The following ZNF606 variants were observed in gnomAD, a reference collection of about 807,000 sequenced individuals.
ZNF606 encodes zinc finger protein 328.
ZNF606 carries 37 observed loss-of-function variants against 74.9 expected under a neutral mutation model. The observed-to-expected ratio is 0.49, with a 90% CI of 0.38 to 0.65. The LOEUF is 0.65. Among genes scored for constraint, ZNF606 ranks in the 30% least tolerant of loss-of-function variants. The pLI, the probability that ZNF606 is intolerant of heterozygous loss-of-function variation, is 0.00. For synonymous variants in ZNF606, 328 were observed against 312.4 expected (o/e 1.05, Z -0.53); for missense variants, 852 against 952.9 (o/e 0.89, Z 1.39).
chr19:57,998,308 C>T (rs1456661358), intron 4 of ZNF606: 1 of 151,928 alleles, frequency 6.6e-6, no homozygotes, highest in South Asian at 2.1e-4. Flanking sequence ...AAAATGGCTG[C>T]CTCAGTCATT....
chr19:58,001,007 A>C, intron 2 of ZNF606: 1 of 530,474 alleles, frequency 1.9e-6, no homozygotes, highest in South Asian at 3.1e-5. Context: ...AGTAGAGACA[A>C]TATTTTATTA....
In ZNF606 at chr19:58,002,676, G is replaced by C. The variant is rs537241242; in HGVS notation, c.-332C>G. On this transcript the variant is annotated 5_prime_UTR_variant, in exon 1 of 7. Coordinates refer to ENST00000551380, the MANE Select transcript of ZNF606 (RefSeq NM_001348022.3). ...CGACGGCGCAAAGCCGGCGCGGAAAGGGCAGGCGCAGGACCCACCCTGACG... is the reference window on the plus strand; with the variant it reads ...CGACGGCGCAAAGCCGGCGCGGAAACGGCAGGCGCAGGACCCACCCTGACG... 2.0e-5 allele frequency: 9 copies of C among 454,322 alleles called. No individual in the cohort carries two copies. The highest frequency in any genetic ancestry group is 3.5e-5 in the Non-Finnish European group (8 of 226,000). 28.1% of individuals were successfully genotyped at this position (454,322 alleles called of 1,614,324 possible).
In ZNF606 at chr19:57,988,244, C is replaced by G. The variant is rs371374614; in HGVS notation, c.363G>C (p.Trp121Cys). The stretch of plus-strand genomic sequence containing the variant: ...GTTGAGGACATGCCTGCTCCACTGA[C>G]CACGGCTCTTCTCCTTGCTCCAACA... ...ISLLEQGEEP[W>C]SVEQACPQRT... The change falls in exon 6 of 7, where the codon TGG becomes TGC. Residue 121 changes from tryptophan to cysteine, a missense_variant. This residue lies in a region of ZNF606 where 545 missense variants were observed against 542.5 expected (regional missense o/e 1.00). Coordinates refer to ENST00000551380, the MANE Select transcript of ZNF606 (RefSeq NM_001348022.3). The G allele has an allele frequency of 4.3e-6, 7 of 1,613,978 alleles. No individual in the cohort carries two copies. Among genetic ancestry groups the G allele is most frequent in the Non-Finnish European group, 5.9e-6 (7 of 1,180,020 alleles).
chr19:57,991,461 G>C (rs1253901910), intron 4 of ZNF606, among the ~76,000 whole-genome samples: 1 of 152,134 alleles, frequency 6.6e-6, no homozygotes, highest in African/African-American at 2.4e-5. Flanking sequence ...CAGTATGCTT[G>C]ATGACTACTG....
chr19:57,985,190 G>T (rs989935451), intron 6 of ZNF606, among the ~76,000 whole-genome samples: 2 of 152,146 alleles, frequency 1.3e-5, no homozygotes, highest in Non-Finnish European at 2.9e-5. Context: ...TTCTAGAAAA[G>T]TAAATTTTAA....
At chr19:57,994,174 C>T (rs73937089) in intron 4 of ZNF606, among the ~76,000 whole-genome samples, 2,164 of 152,084 alleles carry the variant, frequency 0.014, 60 homozygotes, top group African/African-American at 0.048. Context: ...AAAGCCTTCA[C>T]AGACTAAGAA....
At chr19:58,001,730 G>T (rs1394293041) in intron 1 of ZNF606, among the ~76,000 whole-genome samples, 1 of 152,148 alleles carries the variant, frequency 6.6e-6, no homozygotes, top group Non-Finnish European at 1.5e-5. Context: ...AATGAAATGG[G>T]GAGTGACTGC....
intron 6 of ZNF606, among the ~76,000 whole-genome samples, chr19:57,984,918 C>T (rs1233922708): frequency 6.6e-6 from 1 of 152,088 alleles, no homozygotes; most frequent in African/African-American, 2.4e-5. Context: ...CATGGTGAAA[C>T]CCCAACTCTA....
chr19:57,996,597 G>A (rs1041167820), intron 4 of ZNF606, among the ~76,000 whole-genome samples: 2 of 151,900 alleles, frequency 1.3e-5, no homozygotes, highest in African/African-American at 4.8e-5. Context: ...CCAGAAGGAA[G>A]AGATGGTGGA....
At position 57,985,108 on chromosome 19, in the gene ZNF606, A is replaced by C. The variant is rs191451293; in HGVS notation, c.400+3099T>G. Among the ~76,000 whole-genome samples the C allele has an allele frequency of 1.0e-3, 154 of 152,234 alleles. 3 individuals carry two copies. The highest frequency in any genetic ancestry group is 3.6e-3 in the African/African-American group (149 of 41,534). ...AGACTCCATCTCAGAACAAAAACAA[A>C]AACAACAACAACAACAAAAACACAA... is the stretch of plus-strand genomic sequence containing the variant. On this transcript the variant is annotated intron_variant, in intron 6 of 6. Coordinates refer to ENST00000551380, the MANE Select transcript of ZNF606 (RefSeq NM_001348022.3).
intron 6 of ZNF606, among the ~76,000 whole-genome samples, chr19:57,981,118 G>T (rs771467288): frequency 1.2e-4 from 18 of 152,170 alleles, no homozygotes; most frequent in Non-Finnish European, 1.2e-4. Flanking sequence ...AGTCACGCAG[G>T]CACTGTGTGC....
chr19:57,988,431 T>C, intron 5 of ZNF606, 129 bp from the exon 6 acceptor site: 1 of 1,374,492 alleles, frequency 7.3e-7, no homozygotes, highest in Non-Finnish European at 1.0e-6. Context: ...TCCCACTCCA[T>C]GCTCTTTAAG....
Position 57,993,354 on chromosome 19 carries a change from A to T in ZNF606, c.178-4633T>A, listed in dbSNP as rs975161771. On this transcript the variant is annotated intron_variant, in intron 4 of 6. Coordinates refer to ENST00000551380, the MANE Select transcript of ZNF606 (RefSeq NM_001348022.3). ...TAAATAAACAGTTGGCTTTTTTTTT[A>T]AAGAACGTTAAAGAAATAACCCAGC... Among the ~76,000 whole-genome samples the T allele has an allele frequency of 1.3e-5, 2 of 152,004 alleles. 1 individual carries two copies. The highest frequency in any genetic ancestry group is 4.1e-4 in the South Asian group (2 of 4,826).
rs768812458 is a variant in ZNF606 at position 57,999,906 on chromosome 19, G to A, written c.89-10C>T. The A allele has an allele frequency of 1.4e-5, 22 of 1,611,766 alleles. No homozygotes were observed. The highest frequency in any genetic ancestry group is 9.4e-5 in the African/African-American group (7 of 74,808). On this transcript the variant is annotated splice_polypyrimidine_tract_variant and intron_variant, in intron 3 of 6. Transcript: ENST00000551380. ...TACTGAGGACACAGAGCTAGGAAAC[G>A]AGAAAAAAGTCATGGAGGCAGCTCT... is the stretch of plus-strand genomic sequence containing the variant.
At position 57,978,238 on chromosome 19, in the gene ZNF606, A is replaced by G. The variant is rs1216398582; in HGVS notation, c.*63T>C. The stretch of plus-strand genomic sequence containing the variant: ...TAATGAAAAATGTCCCCTCTTGATT[A>G]TGTTTATAGGGTTTTCCTCAATGTG... On this transcript the variant is annotated 3_prime_UTR_variant, in exon 7 of 7. Coordinates refer to ENST00000551380, the MANE Select transcript of ZNF606 (RefSeq NM_001348022.3). This position sits in a 1 kb window ranked among gnomAD's most constrained non-coding sequence, Gnocchi z 4.4. 4.8e-6 allele frequency: 7 copies of G among 1,457,438 alleles called. No individual in the cohort carries two copies. Among genetic ancestry groups the G allele is most frequent in the Middle Eastern group, 2.1e-4 (1 of 4,840 alleles). The allele number at this position is 1,457,438 out of a possible 1,614,324, so 90.3% of individuals were successfully genotyped here.
chr19:57,985,317 GGAGCTTTTTCA>G (rs1446638102), intron 6 of ZNF606, among the ~76,000 whole-genome samples: 2 of 152,232 alleles, frequency 1.3e-5, no homozygotes, highest in East Asian at 3.9e-4. Flanking sequence ...GAACAAAGCT[GGAGCTTTTTCA>G]AAGCCTCATT....
At chr19:57,983,313 G>A (rs1254288883) in intron 6 of ZNF606, among the ~76,000 whole-genome samples, 8 of 152,122 alleles carry the variant, frequency 5.3e-5, no homozygotes, top group African/African-American at 1.7e-4. Flanking sequence ...GGTAGCTCAC[G>A]CCTGTAATCC....
In ZNF606 at chr19:57,999,676, G is replaced by A. The variant is rs190519057; in HGVS notation, c.177+132C>T. 4.0e-5 allele frequency: 36 copies of A among 903,326 alleles called. No homozygotes were observed. The African/African-American group carries it at 5.6e-4, about 14-fold the overall frequency. The allele number at this position is 903,326 out of a possible 1,614,324, so 56.0% of individuals were successfully genotyped here. A position where few individuals can be genotyped will look rare whatever the true frequency, so the allele number is the denominator to read the frequency against. On this transcript the variant is annotated intron_variant, in intron 4 of 6. Coordinates refer to ENST00000551380, the MANE Select transcript of ZNF606 (RefSeq NM_001348022.3). ...GCCTAATTCTCCCTACCTGCTCTCA[G>A]GAAGGATTAACTTCCAGTTGCTTCC...
At chr19:57,998,374 T>A (rs377324703) in intron 4 of ZNF606, 3 of 152,146 alleles carry the variant, frequency 2.0e-5, no homozygotes, top group African/African-American at 7.2e-5. Context: ...TGTAATTACA[T>A]TACATTAAAA....
Sources: gnomAD v4.1 joint callset for allele counts (sites outside exome capture counted in the v4.1 genomes callset) on GRCh38, gnomAD v4.1.1 for gene constraint, gnomAD v4.1.1 regional missense constraint, Gnocchi (gnomAD v3.1) non-coding constraint, MANE v1.5 for transcripts, NCBI Gene and HGNC (gene_info 2026-07-23, HGNC 2026-07-21) for gene names.